The following LRP2 variants were observed in gnomAD, a reference collection of about 807,000 sequenced individuals.
The protein encoded by LRP2 is LDL receptor related protein 2, also known as low-density lipoprotein receptor-related protein 2.
Under a neutral mutation model 531.0 loss-of-function variants are expected in LRP2, and 172 were observed. The observed-to-expected ratio is 0.32, with a 90% CI of 0.29 to 0.37. The LOEUF is 0.37. Ranked by LOEUF, LRP2 falls within the 10% of genes least tolerant of loss-of-function variation. LRP2 has a pLI of 1.00. For missense variants in LRP2, 5,167 were observed against 5,868.3 expected (o/e 0.88, Z 3.90); for synonymous variants, 1,992 against 2,027.6 (o/e 0.98, Z 0.47).
chr2:169,212,970 T>G (rs551920100), intron 36 of LRP2, among the ~76,000 whole-genome samples: 4 of 146,910 alleles, frequency 2.7e-5, no homozygotes, highest in African/African-American at 1.1e-4. Context: ...TAATTTCTAT[T>G]GCATGTGTTT....
At chr2:169,217,694 T>A (rs1401474395) in intron 34 of LRP2, among the ~76,000 whole-genome samples, 1 of 152,160 alleles carries the variant, frequency 6.6e-6, no homozygotes, top group Non-Finnish European at 1.5e-5. Context: ...TAATCTAAGC[T>A]GAGGATTCTC....
rs115577178 is a variant in LRP2 at position 169,166,594 on chromosome 2, G to A, written c.11636-540C>T. ...TGGCAGTTGTCATAGAGTCTCTACC[G>A]CATGAGTCTTTTATTGAAGCTTTAA... On this transcript the variant is annotated intron_variant, in intron 61 of 78. Transcript: ENST00000649046. Among the ~76,000 whole-genome samples the A allele has an allele frequency of 6.0e-3, 918 of 152,286 alleles. 6 individuals carry two copies. Among genetic ancestry groups the A allele is most frequent in the African/African-American group, 0.021 (865 of 41,556 alleles).
intron 68 of LRP2, among the ~76,000 whole-genome samples, chr2:169,149,603 G>A (rs1458732044): frequency 6.6e-6 from 1 of 152,170 alleles, no homozygotes; most frequent in Non-Finnish European, 1.5e-5. Context: ...CTGGGAGGGC[G>A]AGGCAGATGG....
In LRP2 at chr2:169,185,753, G is replaced by T. The variant is rs1449419275; in HGVS notation, c.9595C>A (p.Pro3199Thr). The change falls in exon 50 of 79, where the codon CCC becomes ACC. Residue 3199 changes from proline to threonine, a missense_variant. Around this residue, in one of 6 missense-constraint regions of LRP2, gnomAD observed 1,129 missense variants for 1,362.7 expected, o/e 0.83. Transcript: ENST00000649046. ...TAACGGTTGCTAAAAATGAGATAGG[G>T]TTCGATGTTACTGTTTTGCCGGCAG... ...KTCRQNSNIE[P>T]YLIFSNRYYL... 6 of 1,613,434 alleles carry T rather than the reference G, an allele frequency of 3.7e-6. No homozygotes were observed. In the East Asian group the frequency reaches 6.7e-5, roughly 18 times the overall value.
At chr2:169,306,433 C>A (rs1036038803) in intron 4 of LRP2, among the ~76,000 whole-genome samples, 1 of 152,216 alleles carries the variant, frequency 6.6e-6, no homozygotes, top group Non-Finnish European at 1.5e-5. Context: ...ACTCGGGAGG[C>A]TGAGGCAGGA....
At chr2:169,199,541 G>A (rs564490630) in intron 44 of LRP2, among the ~76,000 whole-genome samples, 2 of 152,260 alleles carry the variant, frequency 1.3e-5, no homozygotes, top group South Asian at 4.1e-4. Flanking sequence ...AATGCACCTC[G>A]TCATGTAGTT....
intron 23 of LRP2, 108 bp downstream of exon 23, chr2:169,243,294 AC>A: frequency 6.0e-6 from 8 of 1,333,004 alleles, no homozygotes; most frequent in African/African-American, 1.5e-5. Flanking sequence ...CTAGCTCCCC[AC>A]CCCCCAACAG....
At chr2:169,197,064 A>C (rs1167240961) in intron 45 of LRP2, 34 bp from the exon 46 acceptor site, 1 of 1,611,646 alleles carries the variant, frequency 6.2e-7, no homozygotes, top group African/African-American at 1.3e-5. Context: ...ACCCATGAGC[A>C]AAACACAAGC....
chr2:169,222,928 T>C (rs555690032), intron 33 of LRP2, among the ~76,000 whole-genome samples: 2 of 152,314 alleles, frequency 1.3e-5, no homozygotes, highest in South Asian at 2.1e-4. Flanking sequence ...CCCTCACTTA[T>C]ACCTCTGCCT....
chr2:169,289,254 T>G lies in LRP2; in HGVS notation c.923-109A>C, dbSNP rs77891278. On this transcript the variant is annotated intron_variant, in intron 8 of 78. Transcript: ENST00000649046. Reference sequence around the variant, plus strand: ...AGCAGCTCAGTAAGCATGAAGTAGATGTACAGAAAAATCTGTCACCCTTCA... The same window carrying G: ...AGCAGCTCAGTAAGCATGAAGTAGAGGTACAGAAAAATCTGTCACCCTTCA... 6,635 of 1,406,806 alleles carry G rather than the reference T, an allele frequency of 4.7e-3. 130 individuals are homozygous for G. The highest frequency in any genetic ancestry group is 0.047 in the African/African-American group (3,327 of 70,906). The allele number at this position is 1,406,806 out of a possible 1,614,324, so 87.1% of individuals were successfully genotyped here.
intron 16 of LRP2, among the ~76,000 whole-genome samples, chr2:169,269,442 T>C (rs1333912482): frequency 6.6e-6 from 1 of 152,072 alleles, no homozygotes; most frequent in Non-Finnish European, 1.5e-5. Flanking sequence ...TCCTCAGAAA[T>C]GATATCACAC....
intron 27 of LRP2, among the ~76,000 whole-genome samples, 196 bp downstream of exon 27, chr2:169,237,895 C>G (rs1689662637): frequency 6.6e-6 from 1 of 152,178 alleles, no homozygotes; most frequent in African/African-American, 2.4e-5. Flanking sequence ...CATCTGCATT[C>G]AGAGGCCACC....
chr2:169,173,883 C>A (rs749368601), intron 56 of LRP2, 36 bp downstream of exon 56: 2 of 1,613,402 alleles, frequency 1.2e-6, no homozygotes, highest in Non-Finnish European at 1.7e-6. Context: ...TGTCTCCCTG[C>A]TCTGGTCATG....
chr2:169,268,891 C>G (rs1322913335), intron 16 of LRP2, among the ~76,000 whole-genome samples: 5 of 152,156 alleles, frequency 3.3e-5, no homozygotes, highest in Non-Finnish European at 7.3e-5. Flanking sequence ...AGCTGATAAG[C>G]AACTTCAGCA....
intron 62 of LRP2, among the ~76,000 whole-genome samples, chr2:169,164,184 G>A (rs961285713): frequency 1.3e-5 from 2 of 152,194 alleles, no homozygotes; most frequent in Admixed American, 6.5e-5. Context: ...TTTCCAATGG[G>A]AGTGTTTATT....
intron 3 of LRP2, among the ~76,000 whole-genome samples, chr2:169,316,430 C>T (rs918120869): frequency 3.3e-5 from 5 of 152,096 alleles, no homozygotes; most frequent in Non-Finnish European, 7.4e-5. Context: ...TTCACAAATT[C>T]AACAAGTAAG....
At chr2:169,179,173 A>C (rs1315172852) in intron 52 of LRP2, among the ~76,000 whole-genome samples, 6 of 151,908 alleles carry the variant, frequency 3.9e-5, no homozygotes, top group African/African-American at 1.5e-4. Context: ...CATCCAGCTA[A>C]TTTTTGTAAT....
Position 169,206,769 on chromosome 2 carries a change from T to C in LRP2, c.6951A>G (p.Arg2317=). ...CATCTCTTAGCCAGTTGATATTGTC[T>C]CTTATCACTGTGGGTGGCTCTGTGT... ...PENTEPPTVI[R]DNINWLRDVT... is the part of the protein sequence containing the mutation. Residue 2317 remains arginine, a synonymous_variant, in exon 39 of 79, where the codon AGA becomes AGG. Transcript: ENST00000649046. The C allele has an allele frequency of 1.2e-6, 2 of 1,614,208 alleles. No individual in the cohort carries two copies. The highest frequency in any genetic ancestry group is 1.7e-6 in the Non-Finnish European group (2 of 1,180,020).
intron 1 of LRP2, among the ~76,000 whole-genome samples, chr2:169,324,358 A>AT (rs57301963): frequency 0.036 from 5,518 of 151,986 alleles, 160 homozygotes; most frequent in East Asian, 0.096. Context: ...TAAAAATCTG[A>AT]TTTTTTTCCC....
Sources: allele counts gnomAD v4.1 joint callset (sites outside exome capture counted in the v4.1 genomes callset), GRCh38; gene constraint gnomAD v4.1.1; regional missense constraint gnomAD v4.1.1; transcripts MANE v1.5; gene names NCBI Gene and HGNC (gene_info 2026-07-23, HGNC 2026-07-21).